Variants in OSMR observed in about 807,000 individuals in gnomAD.
The protein encoded by OSMR is oncostatin M receptor, also known as oncostatin-M-specific receptor subunit beta.
In OSMR, 81 loss-of-function variants were observed where a neutral mutation model predicts 99.9. The ratio of observed to expected loss-of-function variants is 0.81; its 90% confidence interval spans 0.68 to 0.97. The LOEUF (loss-of-function observed/expected upper bound fraction) is 0.97, where lower values mean the gene tolerates loss of function less well. OSMR is among the 50% of genes least tolerant of loss of function. OSMR has a pLI of 0.00. For synonymous variants in OSMR, 406 were observed against 410.4 expected (o/e 0.99, Z 0.13); for missense variants, 1,099 against 1,153.4 (o/e 0.95, Z 0.68).
intron 9 of OSMR, among the ~76,000 whole-genome samples, chr5:38,913,390 A>G (rs1349756639): frequency 2.0e-5 from 3 of 152,064 alleles, no homozygotes; most frequent in Non-Finnish European, 4.4e-5. Flanking sequence ...TCTACTAAAA[A>G]TAGAAAAAAA....
At chr5:38,932,755 A>G (rs1746817984) in intron 17 of OSMR, 117 bp from the exon 18 acceptor site, 1 of 1,539,162 alleles carries the variant, frequency 6.5e-7, no homozygotes, top group African/African-American at 1.4e-5. Context: ...ACTTGTGACC[A>G]GGAAGAAACA....
At chr5:38,866,105 T>C (rs908740694) in intron 1 of OSMR, among the ~76,000 whole-genome samples, 4 of 152,070 alleles carry the variant, frequency 2.6e-5, no homozygotes, top group African/African-American at 9.7e-5. Flanking sequence ...CTCCAGAAAG[T>C]GTGAGTGGCT....
intron 17 of OSMR, 26 bp downstream of exon 17, chr5:38,932,561 A>G (rs1486939723): frequency 4.4e-6 from 7 of 1,595,290 alleles, no homozygotes; most frequent in African/African-American, 1.3e-5. Flanking sequence ...TTGTATGTAT[A>G]CCATATACCT....
intron 7 of OSMR, among the ~76,000 whole-genome samples, chr5:38,897,019 G>T (rs1458758087): frequency 1.3e-5 from 2 of 152,016 alleles, no homozygotes; most frequent in Admixed American, 6.6e-5. Context: ...CATGATGAAT[G>T]ATCTTTTTGG....
chr5:38,935,896 A>G (rs1272251549), downstream of OSMR, among the ~76,000 whole-genome samples: 5 of 152,202 alleles, frequency 3.3e-5, no homozygotes, highest in Non-Finnish European at 7.3e-5. Context: ...CAACATGCCA[A>G]TAGGAAATGC....
At chr5:38,846,763 C>T (rs1739864271) in intron 1 of OSMR, among the ~76,000 whole-genome samples, 1 of 152,186 alleles carries the variant, frequency 6.6e-6, no homozygotes, top group Non-Finnish European at 1.5e-5. Flanking sequence ...TCTTCTCCAG[C>T]CACTTGAGTG....
At chr5:38,862,642 G>A (rs1339826291) in intron 1 of OSMR, among the ~76,000 whole-genome samples, 11 of 150,838 alleles carry the variant, frequency 7.3e-5, no homozygotes, top group African/African-American at 2.7e-4. Flanking sequence ...ATCCCAGACG[G>A]GGCGGCAGGG....
intron 9 of OSMR, among the ~76,000 whole-genome samples, chr5:38,912,126 A>AAACTATCTT (rs1416387290): frequency 6.6e-6 from 1 of 152,178 alleles, no homozygotes; most frequent in Non-Finnish European, 1.5e-5. Flanking sequence ...GTCAGAAGTC[A>AAACTATCTT]AACTATCTTT....
intron 7 of OSMR, among the ~76,000 whole-genome samples, chr5:38,893,360 A>G (rs533942946): frequency 7.9e-5 from 12 of 152,370 alleles, no homozygotes; most frequent in African/African-American, 2.9e-4. Context: ...GAAATGACAG[A>G]TAAAGAATTT....
At chr5:38,940,975 TTTTCTA>T (rs996916109) in intron 1 of OSMR, 10 of 232,658 alleles carry the variant, frequency 4.3e-5, no homozygotes, top group African/African-American at 1.8e-4. Flanking sequence ...TCCAGCTGGA[TTTTCTA>T]TTTCTATTTA....
intron 9 of OSMR, among the ~76,000 whole-genome samples, chr5:38,914,852 G>A (rs1292647026): frequency 1.3e-5 from 2 of 151,952 alleles, no homozygotes; most frequent in African/African-American, 4.8e-5. Flanking sequence ...GAAGGGAGGG[G>A]GCAAGCGTTG....
intron 9 of OSMR, among the ~76,000 whole-genome samples, chr5:38,908,350 G>A (rs1745375254): frequency 6.6e-6 from 1 of 152,178 alleles, no homozygotes; most frequent in Non-Finnish European, 1.5e-5. Flanking sequence ...CCCCACCAGG[G>A]CAACTGCATG....
intron 1 of OSMR, chr5:38,943,239 T>C (rs1747799194): frequency 3.0e-6 from 1 of 333,344 alleles, no homozygotes; most frequent in Admixed American, 4.3e-5. Context: ...GCATGAGAAA[T>C]TGCAAAATAT....
intron 7 of OSMR, among the ~76,000 whole-genome samples, chr5:38,903,537 G>T (rs553389677): frequency 6.6e-6 from 1 of 152,276 alleles, no homozygotes; most frequent in East Asian, 1.9e-4. Flanking sequence ...CCTTGACATT[G>T]TTAATGTTAT....
At chr5:38,849,912 C>A (rs772672025) in intron 1 of OSMR, among the ~76,000 whole-genome samples, 3 of 152,112 alleles carry the variant, frequency 2.0e-5, no homozygotes, top group African/African-American at 7.2e-5. Flanking sequence ...AATGCATGTA[C>A]GTCACTTAGC....
chr5:38,932,998 T>G lies in OSMR; in HGVS notation c.2494T>G (p.Leu832Val), dbSNP rs202239053. The stretch of plus-strand genomic sequence containing the variant: ...TAGGAAGTCACTCACAGAAACCGAG[T>G]TGACTAAGCCTAACTACCTTTATCT... Reference protein sequence around the residue: ...GTRKSLTETELTKPNYLYLLP... With the variant: ...GTRKSLTETEVTKPNYLYLLP... Residue 832 changes from leucine (L) to valine (V), a missense_variant, in exon 18 of 18, where the codon TTG becomes GTG. Physicochemically the swap from Leu to Val is conservative, Grantham distance 32. Coordinates refer to ENST00000274276, the MANE Select transcript of OSMR (RefSeq NM_003999.3). 8.7e-5 allele frequency: 140 copies of G among 1,613,826 alleles called. No homozygotes were observed. Among genetic ancestry groups the G allele is most frequent in the Non-Finnish European group, 1.8e-5 (21 of 1,179,974 alleles).
chr5:38,889,571 T>C (rs1744018390), intron 7 of OSMR, among the ~76,000 whole-genome samples: 1 of 152,190 alleles, frequency 6.6e-6, no homozygotes, highest in African/African-American at 2.4e-5. Flanking sequence ...CTAATATCTT[T>C]TATCACTTTT....
At chr5:38,866,257 G>A (rs1024190719) in intron 1 of OSMR, among the ~76,000 whole-genome samples, 2 of 152,168 alleles carry the variant, frequency 1.3e-5, no homozygotes, top group Non-Finnish European at 2.9e-5. Context: ...GGTAGGTGGG[G>A]CAAGTTGATC....
chr5:38,930,413 A>G (rs1305779653), intron 15 of OSMR, among the ~76,000 whole-genome samples: 1 of 152,128 alleles, frequency 6.6e-6, no homozygotes, highest in Non-Finnish European at 1.5e-5. Context: ...CAAAACTCCA[A>G]CATTATCTGC....
Sources: allele counts gnomAD v4.1 joint callset (sites outside exome capture counted in the v4.1 genomes callset), GRCh38; gene constraint gnomAD v4.1.1; transcripts MANE v1.5; gene names NCBI Gene and HGNC (gene_info 2026-07-23, HGNC 2026-07-21).